Variants in PHF24 observed in about 807,000 individuals in gnomAD.
PHF24 encodes the protein PHD finger protein 24.
In PHF24, 25 loss-of-function variants were observed where a neutral mutation model predicts 42.6. The ratio of observed to expected loss-of-function variants is 0.59; its 90% CI spans 0.43 to 0.82. The LOEUF is 0.82. PHF24 is among the 40% of genes least tolerant of loss of function. The pLI is 0.00. For missense variants in PHF24, 470 were observed against 538.1 expected (o/e 0.87, Z 1.25); for synonymous variants, 185 against 204.8 (o/e 0.90, Z 0.83).
the PHF24 span, among the ~76,000 whole-genome samples, chr9:34,863,963 A>G: frequency 1.3e-5 from 2 of 152,398 alleles, no homozygotes; most frequent in Non-Finnish European, 2.9e-5. Flanking sequence ...ATAATTAAAA[A>G]GAATCAAGTA....
At chr9:34,917,144 C>T in the PHF24 span, 9 of 1,041,952 alleles carry the variant, frequency 8.6e-6, no homozygotes, top group Middle Eastern at 2.2e-4. Flanking sequence ...TTTACCGGCC[C>T]GTCTGCTCGG....
the PHF24 span, among the ~76,000 whole-genome samples, chr9:34,872,363 C>A: frequency 2.6e-5 from 3 of 113,552 alleles, no homozygotes; most frequent in African/African-American, 9.8e-5. Flanking sequence ...CCCCTCCCCC[C>A]ACCCCACAAC....
At chr9:34,880,604 CAAAG>C in the PHF24 span, among the ~76,000 whole-genome samples, 7 of 152,034 alleles carry the variant, frequency 4.6e-5, no homozygotes, top group Admixed American at 2.0e-4. Context: ...TCAAAAGAGA[CAAAG>C]AAGGCCATTA....
the PHF24 span, chr9:34,709,502 C>T: frequency 6.2e-7 from 1 of 1,614,054 alleles, no homozygotes. Flanking sequence ...TTCCTCACCT[C>T]TTGCAGCCTT....
chr9:34,821,414 A>G, the PHF24 span, among the ~76,000 whole-genome samples: 1 of 152,090 alleles, frequency 6.6e-6, no homozygotes, highest in Non-Finnish European at 1.5e-5. Context: ...GTTGAACTGA[A>G]TTTCTCAGGG....
the PHF24 span, among the ~76,000 whole-genome samples, chr9:34,714,068 G>C: frequency 1.3e-5 from 2 of 152,060 alleles, no homozygotes; most frequent in African/African-American, 2.4e-5. Context: ...ACAGAGTAGA[G>C]GGGCTGGAAT....
Position 34,958,654 on chromosome 9 carries a change from C to T in PHF24, c.-5+253C>T, listed in dbSNP as rs1027206152. 3.3e-5 allele frequency among the ~76,000 whole-genome samples: 5 copies of T among 152,134 alleles called. No homozygotes were observed. Among genetic ancestry groups the T allele is most frequent in the Admixed American group, 2.0e-4 (3 of 15,284 alleles). Reference sequence around the variant, plus strand: ...CCGCGGCGCTGTCTGCATTTGCTGCCATAGGGAGCCCCAGCGTGGAGGGGA... The same window carrying T: ...CCGCGGCGCTGTCTGCATTTGCTGCTATAGGGAGCCCCAGCGTGGAGGGGA... On this transcript the variant is annotated intron_variant, in intron 1 of 7. Coordinates refer to ENST00000242315, the Ensembl canonical transcript of PHF24. The surrounding 1 kb of genome is among the most constrained non-coding windows in gnomAD (Gnocchi z 4.5).
upstream of PHF24, among the ~76,000 whole-genome samples, chr9:34,956,785 T>C (rs1826385115): frequency 6.6e-6 from 1 of 152,226 alleles, no homozygotes; most frequent in Non-Finnish European, 1.5e-5. Flanking sequence ...AGTGCTAGTT[T>C]CACAACAAGC....
At chr9:34,888,868 C>CAAGG in the PHF24 span, among the ~76,000 whole-genome samples, 1 of 152,188 alleles carries the variant, frequency 6.6e-6, no homozygotes, top group South Asian at 2.1e-4. Flanking sequence ...GCACCTAAAA[C>CAAGG]AAGGGCCTTT....
chr9:34,912,876 A>T, the PHF24 span, among the ~76,000 whole-genome samples: 1 of 152,226 alleles, frequency 6.6e-6, no homozygotes, highest in African/African-American at 2.4e-5. Flanking sequence ...CAACCCCAAG[A>T]TGTTGACATT....
the PHF24 span, among the ~76,000 whole-genome samples, chr9:34,713,601 C>T: frequency 6.6e-6 from 1 of 152,216 alleles, no homozygotes; most frequent in South Asian, 2.1e-4. Flanking sequence ...GGTGGAGGGA[C>T]CAACCCCTAT....
the PHF24 span, among the ~76,000 whole-genome samples, chr9:34,927,423 G>C: frequency 6.6e-6 from 1 of 152,140 alleles, no homozygotes; most frequent in African/African-American, 2.4e-5. Context: ...GCAGCAGCTT[G>C]GCCCACAGGG....
chr9:34,787,597 G>A, the PHF24 span, among the ~76,000 whole-genome samples: 1 of 152,224 alleles, frequency 6.6e-6, no homozygotes, highest in African/African-American at 2.4e-5. Context: ...GGTAAGGGCA[G>A]CTATTTCTTC....
the PHF24 span, chr9:34,724,698 T>C: frequency 6.5e-7 from 1 of 1,549,236 alleles, no homozygotes; most frequent in South Asian, 1.2e-5. Context: ...TCTGTACAAC[T>C]CTCATTGTTG....
the PHF24 span, among the ~76,000 whole-genome samples, chr9:34,805,481 GCT>G: frequency 7.8e-3 from 1,187 of 152,286 alleles, 12 homozygotes; most frequent in African/African-American, 0.026. Flanking sequence ...CTTTTCATGT[GCT>G]TATTGGCTAT....
chr9:34,709,976 C>A, the PHF24 span: 2 of 1,614,120 alleles, frequency 1.2e-6, no homozygotes, highest in Non-Finnish European at 1.7e-6. Flanking sequence ...TAGCCCCATG[C>A]AAGGCCCCTC....
chr9:34,754,182 G>A, the PHF24 span, among the ~76,000 whole-genome samples: 5 of 152,060 alleles, frequency 3.3e-5, no homozygotes, highest in Admixed American at 2.0e-4. Flanking sequence ...AAAAGCTTCC[G>A]CACGCAAAGG....
chr9:34,837,623 AAGGG>A, the PHF24 span: 1 of 1,485,174 alleles, frequency 6.7e-7, no homozygotes, highest in Non-Finnish European at 9.2e-7. Flanking sequence ...CCCACAGTGG[AAGGG>A]AGTCAGAGGA....
the PHF24 span, among the ~76,000 whole-genome samples, chr9:34,886,290 C>T: frequency 2.0e-5 from 3 of 151,352 alleles, no homozygotes; most frequent in South Asian, 4.2e-4. Context: ...GGATCCCACT[C>T]TCCCCTCCTT....
Sources: allele counts gnomAD v4.1 joint callset (sites outside exome capture counted in the v4.1 genomes callset), GRCh38; gene constraint gnomAD v4.1.1; non-coding constraint Gnocchi (gnomAD v3.1); transcripts MANE v1.5; gene names NCBI Gene and HGNC (gene_info 2026-07-23, HGNC 2026-07-21).